EIF2B3: variants seen among roughly 807,000 people sequenced by gnomAD.
The protein encoded by EIF2B3 is translation initiation factor eIF2B subunit gamma.
A neutral mutation model predicts 54.1 loss-of-function variants in EIF2B3; 20 were observed. The observed-to-expected ratio is 0.37, with a 90% CI of 0.26 to 0.54. EIF2B3 has a LOEUF of 0.54. Among genes scored for constraint, EIF2B3 ranks in the 20% least tolerant of loss-of-function variants. EIF2B3 has a pLI of 0.86. For missense variants in EIF2B3, 448 were observed against 547.8 expected (o/e 0.82, Z 1.82); for synonymous variants, 153 against 188.1 (o/e 0.81, Z 1.52).
chr1:44,878,110 T>G (rs1201813866), intron 8 of EIF2B3, among the ~76,000 whole-genome samples: 1 of 152,196 alleles, frequency 6.6e-6, no homozygotes, highest in Non-Finnish European at 1.5e-5. Flanking sequence ...TAGTCATGGG[T>G]AAATGTGGGA....
At chr1:44,904,756 G>C (rs574407968) in intron 5 of EIF2B3, among the ~76,000 whole-genome samples, 1 of 152,134 alleles carries the variant, frequency 6.6e-6, no homozygotes, top group South Asian at 2.1e-4. Context: ...CTCGTGATCT[G>C]CCCACCTCGG....
intron 3 of EIF2B3, among the ~76,000 whole-genome samples, chr1:44,961,662 C>T (rs543917646): frequency 6.6e-6 from 1 of 152,166 alleles, no homozygotes; most frequent in South Asian, 2.1e-4. Flanking sequence ...TCTGGATTAC[C>T]ACTATATTTA....
At chr1:44,903,553 A>G (rs547227754) in intron 5 of EIF2B3, among the ~76,000 whole-genome samples, 2 of 152,384 alleles carry the variant, frequency 1.3e-5, no homozygotes, top group East Asian at 3.9e-4. Flanking sequence ...TACAATGCTT[A>G]GTTCCTAGAA....
intron 11 of EIF2B3, among the ~76,000 whole-genome samples, chr1:44,856,020 G>A (rs1654420534): frequency 6.6e-6 from 1 of 152,172 alleles, no homozygotes; most frequent in Non-Finnish European, 1.5e-5. Flanking sequence ...CTACAAAGGA[G>A]AAAACACTTG....
At chr1:44,857,677 G>A (rs1192461149) in intron 11 of EIF2B3, 27 bp downstream of exon 11, 1 of 1,607,896 alleles carries the variant, frequency 6.2e-7, no homozygotes, top group South Asian at 1.1e-5. Flanking sequence ...AAGTAAAAAT[G>A]GAATCTGTGA....
chr1:44,852,744 A>C (rs1573673964), intron 11 of EIF2B3, among the ~76,000 whole-genome samples: 2 of 147,408 alleles, frequency 1.4e-5, no homozygotes, highest in East Asian at 4.0e-4. Context: ...GCAGCATTAC[A>C]CTCCAGCCTG....
At chr1:44,886,491 G>C (rs968081362) in intron 6 of EIF2B3, among the ~76,000 whole-genome samples, 11 of 152,196 alleles carry the variant, frequency 7.2e-5, no homozygotes, top group Admixed American at 2.6e-4. Context: ...CACAGTAGTG[G>C]AATTATGAAT....
intron 3 of EIF2B3, among the ~76,000 whole-genome samples, chr1:44,968,359 C>T (rs1244524724): frequency 1.4e-5 from 2 of 143,770 alleles, no homozygotes; most frequent in African/African-American, 2.6e-5. Context: ...GAGACTCTGC[C>T]TCTTAAAAAA....
intron 3 of EIF2B3, among the ~76,000 whole-genome samples, chr1:44,974,816 G>A (rs1013859705): frequency 1.3e-5 from 2 of 152,176 alleles, no homozygotes; most frequent in Admixed American, 1.3e-4. Context: ...AAAATCAATT[G>A]TATTTCTATG....
chr1:44,955,362 A>C (rs185113568), intron 3 of EIF2B3, among the ~76,000 whole-genome samples: 2 of 152,268 alleles, frequency 1.3e-5, no homozygotes, highest in Admixed American at 1.3e-4. Flanking sequence ...ACAAAAATTA[A>C]ATCGAGATGG....
intron 2 of EIF2B3, 60 bp from the exon 3 acceptor site, chr1:44,978,520 C>T (rs1644476803): frequency 6.4e-7 from 1 of 1,556,102 alleles, no homozygotes; most frequent in Admixed American, 1.7e-5. Context: ...GACAGTGGTT[C>T]CATTATTTCA....
chr1:44,935,868 G>C (rs1643941514), intron 4 of EIF2B3, among the ~76,000 whole-genome samples: 1 of 151,830 alleles, frequency 6.6e-6, no homozygotes, highest in Admixed American at 6.6e-5. Flanking sequence ...TTCTTAAAAT[G>C]CCCTATGACT....
At chr1:44,949,145 C>A (rs1028119126) in intron 3 of EIF2B3, among the ~76,000 whole-genome samples, 1 of 152,220 alleles carries the variant, frequency 6.6e-6, no homozygotes, top group Non-Finnish European at 1.5e-5. Flanking sequence ...GCTGGGATTA[C>A]AGGCATGAGC....
chr1:44,880,490 G>T (rs1260168147), intron 7 of EIF2B3, among the ~76,000 whole-genome samples: 1 of 152,176 alleles, frequency 6.6e-6, no homozygotes, highest in African/African-American at 2.4e-5. Flanking sequence ...GGCCAGCCAG[G>T]TTGACTTTGT....
At chr1:44,942,380 TATA>T (rs1644033938) in intron 3 of EIF2B3, among the ~76,000 whole-genome samples, 9 of 8,544 alleles carry the variant, frequency 1.1e-3, no homozygotes, top group Non-Finnish European at 1.4e-3. Flanking sequence ...TCTGATTTTA[TATA>T]TATATATATA....
chr1:44,922,779 T>C (rs975719666), intron 5 of EIF2B3, among the ~76,000 whole-genome samples: 3 of 151,402 alleles, frequency 2.0e-5, no homozygotes, highest in Non-Finnish European at 2.9e-5. Context: ...AATCCCCAGG[T>C]AATTTATTTT....
intron 3 of EIF2B3, among the ~76,000 whole-genome samples, chr1:44,969,306 G>T (rs1387595658): frequency 6.6e-6 from 1 of 151,938 alleles, no homozygotes; most frequent in East Asian, 1.9e-4. Flanking sequence ...AATTACAAGG[G>T]GGAAAAAAGA....
intron 5 of EIF2B3, among the ~76,000 whole-genome samples, chr1:44,918,985 C>T (rs1643682830): frequency 6.6e-6 from 1 of 152,216 alleles, no homozygotes; most frequent in African/African-American, 2.4e-5. Flanking sequence ...CTCATCTCAT[C>T]ATTCCAAAGT....
At chr1:44,981,272 T>C (rs1644510049) in intron 1 of EIF2B3, 95 bp from the exon 2 acceptor site, 11 of 1,283,892 alleles carry the variant, frequency 8.6e-6, no homozygotes, top group Non-Finnish European at 1.2e-5. Context: ...AGGTTACTGA[T>C]ACCCACTATG....
Sources: allele counts gnomAD v4.1 joint callset (sites outside exome capture counted in the v4.1 genomes callset), GRCh38; gene constraint gnomAD v4.1.1; transcripts MANE v1.5; gene names NCBI Gene and HGNC (gene_info 2026-07-23, HGNC 2026-07-21).